The following SCML4 variants were observed in gnomAD, a reference collection of about 807,000 sequenced individuals.
SCML4 encodes Scm polycomb group protein like 4.
SCML4 carries 34 observed loss-of-function variants against 41.1 expected under a neutral mutation model. That is an observed-to-expected ratio of 0.83 (90% CI 0.63 to 1.10). SCML4 has a LOEUF of 1.10. Among genes scored for constraint, SCML4 ranks in the 50% least tolerant of loss-of-function variants. The pLI is 0.00. For synonymous variants in SCML4, 214 were observed against 220.9 expected (o/e 0.97, Z 0.28); for missense variants, 522 against 534.1 (o/e 0.98, Z 0.22).
intron 2 of SCML4, among the ~76,000 whole-genome samples, chr6:107,768,971 G>A (rs1010848437): frequency 6.6e-6 from 1 of 152,104 alleles, no homozygotes; most frequent in African/African-American, 2.4e-5. Context: ...AAATACCTTG[G>A]TGGTCTTTTT....
In SCML4 at chr6:107,743,317, C is replaced by T. The variant is rs116409350; in HGVS notation, c.682+1632G>A. Among the ~76,000 whole-genome samples the T allele has an allele frequency of 2.0e-3, 298 of 152,184 alleles. 2 individuals are homozygous for T. Among genetic ancestry groups the T allele is most frequent in the African/African-American group, 6.8e-3 (282 of 41,512 alleles). On this transcript the variant is annotated intron_variant, in intron 5 of 7. Coordinates refer to ENST00000369020, the MANE Select transcript of SCML4 (RefSeq NM_198081.5). ...GCCAATACTTGTTCTGAATTTCATC[C>T]GTAGTCAGGGAAGAACTAGTCCCGC...
chr6:107,788,602 A>T (rs1003792822), intron 1 of SCML4, among the ~76,000 whole-genome samples: 2 of 152,158 alleles, frequency 1.3e-5, no homozygotes, highest in African/African-American at 4.8e-5. Flanking sequence ...ACAGAGCATC[A>T]CGTTAGTCTT....
At chr6:107,735,067 G>A (rs1029855725) in intron 5 of SCML4, among the ~76,000 whole-genome samples, 5 of 152,024 alleles carry the variant, frequency 3.3e-5, no homozygotes, top group African/African-American at 9.7e-5. Context: ...GTAGAGACAC[G>A]GTTTCACCAT....
chr6:107,746,384 A>G (rs887764714), intron 4 of SCML4: 10 of 346,410 alleles, frequency 2.9e-5, no homozygotes, highest in African/African-American at 1.7e-4. Context: ...GTGGAGCGAA[A>G]GGATTCTGGA....
intron 1 of SCML4, among the ~76,000 whole-genome samples, chr6:107,775,677 A>G (rs892434681): frequency 6.6e-6 from 1 of 152,268 alleles, no homozygotes; most frequent in African/African-American, 2.4e-5. Context: ...TTTTTAAAAT[A>G]TAATTTTAAT....
chr6:107,841,500 C>T, the SCML4 span, among the ~76,000 whole-genome samples: 1 of 152,196 alleles, frequency 6.6e-6, no homozygotes, highest in Admixed American at 6.5e-5. Context: ...AAAAACACTC[C>T]TTTACAGCTG....
intron 1 of SCML4, among the ~76,000 whole-genome samples, chr6:107,818,736 C>G (rs1784733163): frequency 6.6e-6 from 1 of 152,240 alleles, no homozygotes; most frequent in Non-Finnish European, 1.5e-5. Flanking sequence ...GTGTTTTTCT[C>G]TTCGGTTCTT....
intron 1 of SCML4, among the ~76,000 whole-genome samples, chr6:107,775,639 G>A (rs1397835559): frequency 1.3e-5 from 2 of 152,226 alleles, no homozygotes; most frequent in Admixed American, 1.3e-4. Context: ...GAATAAATAA[G>A]ATTATTTTAT....
chr6:107,792,481 C>T (rs1198733808), intron 1 of SCML4, among the ~76,000 whole-genome samples: 1 of 152,150 alleles, frequency 6.6e-6, no homozygotes, highest in African/African-American at 2.4e-5. Flanking sequence ...CCTGTAATCC[C>T]AGCACTTTAG....
At chr6:107,711,278 T>C (rs1774182623) in intron 6 of SCML4, among the ~76,000 whole-genome samples, 3 of 152,238 alleles carry the variant, frequency 2.0e-5, no homozygotes, top group Non-Finnish European at 4.4e-5. Flanking sequence ...GATCCTCTCA[T>C]GACAGGGGTT....
At chr6:107,722,687 G>T (rs777830108) in intron 5 of SCML4, among the ~76,000 whole-genome samples, 1 of 152,234 alleles carries the variant, frequency 6.6e-6, no homozygotes, top group Non-Finnish European at 1.5e-5. Context: ...GATTATTGAA[G>T]ATTAAGACTT....
chr6:107,830,830 T>G, the SCML4 span, among the ~76,000 whole-genome samples: 1 of 152,368 alleles, frequency 6.6e-6, no homozygotes, highest in Middle Eastern at 3.4e-3. Context: ...TGATCGCTTC[T>G]GCTTTGAGTT....
intron 1 of SCML4, among the ~76,000 whole-genome samples, chr6:107,779,404 G>A (rs1372323416): frequency 6.6e-6 from 1 of 152,054 alleles, no homozygotes; most frequent in African/African-American, 2.4e-5. Flanking sequence ...CCCGGGCAGA[G>A]CAGAGCAAGA....
chr6:107,792,730 CAA>C (rs529040468), intron 1 of SCML4, among the ~76,000 whole-genome samples: 11 of 125,476 alleles, frequency 8.8e-5, no homozygotes, highest in Non-Finnish European at 8.7e-5. Flanking sequence ...GACTCTGTCT[CAA>C]AAAAAAAAAA....
At chr6:107,709,641 C>T (rs1228644042) in intron 6 of SCML4, among the ~76,000 whole-genome samples, 3 of 152,356 alleles carry the variant, frequency 2.0e-5, no homozygotes, top group Non-Finnish European at 2.9e-5. Context: ...CTGATGCCTT[C>T]GTGAACAGAA....
the SCML4 span, among the ~76,000 whole-genome samples, chr6:107,845,644 C>T: frequency 6.6e-6 from 1 of 152,212 alleles, no homozygotes; most frequent in African/African-American, 2.4e-5. Context: ...AGGGACAACG[C>T]TCCTTCAGAA....
In SCML4 at chr6:107,720,735, C is replaced by T. The variant is rs1189150591; in HGVS notation, c.941G>A (p.Arg314Lys). The change falls in exon 6 of 8, where the codon AGA (arginine) becomes AAA (lysine). Residue 314 changes from arginine (R) to lysine (K), a missense_variant. Transcript: ENST00000369020. The part of the protein sequence containing the change: ...GLRPPASSPK[R>K]NTTSLEGNRC... Reference sequence around the variant, plus strand: ...GTTTCCTTCAAGAGAGGTCGTGTTTCTCTTGGGGCTGGAGGCTGGAGGCCT... The same window carrying T: ...GTTTCCTTCAAGAGAGGTCGTGTTTTTCTTGGGGCTGGAGGCTGGAGGCCT... The T allele has an allele frequency of 1.3e-6, 2 of 1,582,982 alleles. No homozygotes were observed. The highest frequency in any genetic ancestry group is 1.2e-5 in the South Asian group (1 of 86,700).
chr6:107,845,660 T>C, the SCML4 span, among the ~76,000 whole-genome samples: 9 of 152,202 alleles, frequency 5.9e-5, no homozygotes, highest in African/African-American at 2.2e-4. Flanking sequence ...CAGAAAGGAA[T>C]GGGCAAGGGT....
chr6:107,762,427 T>C (rs1446019457), intron 2 of SCML4, among the ~76,000 whole-genome samples: 1 of 152,174 alleles, frequency 6.6e-6, no homozygotes, highest in Non-Finnish European at 1.5e-5. Context: ...AGACAAAGAT[T>C]GTCATATTAG....
Sources: gnomAD v4.1 joint callset for allele counts (sites outside exome capture counted in the v4.1 genomes callset) on GRCh38, gnomAD v4.1.1 for gene constraint, MANE v1.5 for transcripts, NCBI Gene and HGNC (gene_info 2026-07-23, HGNC 2026-07-21) for gene names.